The following RFPL3 variants were observed in gnomAD, a reference collection of about 807,000 sequenced individuals.
RFPL3 encodes ret finger protein like 3.
In RFPL3, 8 loss-of-function variants were observed where a neutral mutation model predicts 8.7. The ratio of observed to expected loss-of-function variants is 0.92; its 90% CI spans 0.54 to 1.66. RFPL3 has a LOEUF of 1.66. Among genes scored for constraint, RFPL3 ranks in the 40% most tolerant of loss-of-function variants. The probability of loss-of-function intolerance (pLI) is 0.00; values close to 1 mark genes in which losing one functional copy is unlikely to be tolerated. For missense variants in RFPL3, 341 were observed against 395.0 expected (o/e 0.86, Z 1.16); for synonymous variants, 145 against 150.5 (o/e 0.96, Z 0.27).
intron 1 of RFPL3, among the ~76,000 whole-genome samples, chr22:32,359,380 A>G (rs1269569571): frequency 6.6e-6 from 1 of 152,108 alleles, no homozygotes; most frequent in Non-Finnish European, 1.5e-5. Context: ...ATTAGTGATC[A>G]TATCAGTTTT....
upstream of RFPL3, chr22:32,357,765 C>A (rs1042737019): frequency 8.5e-6 from 8 of 937,882 alleles, no homozygotes; most frequent in African/African-American, 1.2e-4. Flanking sequence ...TCGTGCCCAG[C>A]CTCTCAGCTC....
intron 1 of RFPL3, 126 bp downstream of exon 1, chr22:32,358,570 A>C: frequency 7.3e-7 from 1 of 1,363,386 alleles, no homozygotes; most frequent in Non-Finnish European, 1.0e-6. Context: ...ATGCTTCATC[A>C]TCACATTCTC....
chr22:32,355,293 A>G (rs755527729), upstream of RFPL3, among the ~76,000 whole-genome samples: 2 of 152,160 alleles, frequency 1.3e-5, no homozygotes, highest in Non-Finnish European at 2.9e-5. Flanking sequence ...CAGAATATGT[A>G]GTCCAAGAAC....
At chr22:32,357,391 A>C (rs2145867807), upstream of RFPL3, among the ~76,000 whole-genome samples, 1 of 151,894 alleles carries the variant, frequency 6.6e-6, no homozygotes, top group East Asian at 1.9e-4. Context: ...ACTCGTCTCA[A>C]ATTCCTGGGC....
At position 32,360,856 on chromosome 22, in the gene RFPL3, G is replaced by C. The variant is rs765851908; in HGVS notation, c.*24G>C. On this transcript the variant is annotated 3_prime_UTR_variant, in exon 2 of 2. Transcript: ENST00000249007. ...AAGCCGCCACTGCAAAAAAAAACAG[G>C]GTCAGAAAATTACTTGGGTGGGTAG... is the stretch of plus-strand genomic sequence containing the variant. The C allele has an allele frequency of 1.1e-5, 16 of 1,501,804 alleles. No individual in the cohort carries two copies. The African/African-American group carries it at 2.2e-4, about 21-fold the overall frequency. The allele number at this position is 1,501,804 out of a possible 1,614,324, so 93.0% of individuals were successfully genotyped here.
chr22:32,355,359 T>C (rs955863733), upstream of RFPL3, among the ~76,000 whole-genome samples: 1 of 152,294 alleles, frequency 6.6e-6, no homozygotes, highest in Admixed American at 6.5e-5. Flanking sequence ...TTCTAGGCTA[T>C]GTTCTCTGTC....
chr22:32,360,369 A>G lies in RFPL3; in HGVS notation c.491A>G (p.Asp164Gly), dbSNP rs1415663734. The change falls in exon 2 of 2, where the codon GAC (aspartate) becomes GGC (glycine). Residue 164 changes from aspartate to glycine, a missense_variant. Physicochemically the swap from Asp to Gly is moderately conservative, Grantham distance 94. Transcript: ENST00000249007. ...QNRQDLAERF[D>G]VSVCILGSPR... ...CGGCAAGACCTTGCCGAGAGATTTGACGTGTCCGTTTGCATCCTGGGCTCC... is the reference window on the plus strand; with the variant it reads ...CGGCAAGACCTTGCCGAGAGATTTGGCGTGTCCGTTTGCATCCTGGGCTCC... 1 of 1,613,776 alleles carries G rather than the reference A, an allele frequency of 6.2e-7. No individual in the cohort carries two copies. Among genetic ancestry groups the G allele is most frequent in the Non-Finnish European group, 8.5e-7 (1 of 1,179,878 alleles).
upstream of RFPL3, chr22:32,357,819 T>C: frequency 7.3e-7 from 1 of 1,360,544 alleles, no homozygotes; most frequent in Non-Finnish European, 9.5e-7. Context: ...GGGGTTCCCC[T>C]AGGAGGTGGT....
chr22:32,356,475 A>G (rs556585055), upstream of RFPL3, among the ~76,000 whole-genome samples: 17 of 152,280 alleles, frequency 1.1e-4, no homozygotes, highest in South Asian at 2.1e-3. Flanking sequence ...TACACACACT[A>G]AGAACCCAGG....
At chr22:32,359,127 G>C (rs1183809931) in intron 1 of RFPL3, among the ~76,000 whole-genome samples, 1 of 152,142 alleles carries the variant, frequency 6.6e-6, no homozygotes, top group Non-Finnish European at 1.5e-5. Flanking sequence ...ATGGTGGTGG[G>C]CCCCTATAAT....
At chr22:32,358,499 C>A (rs996159118) in intron 1 of RFPL3, 55 bp downstream of exon 1, 142 of 1,559,704 alleles carry the variant, frequency 9.1e-5, no homozygotes, top group Non-Finnish European at 1.2e-4. Context: ...GAAAAATCAT[C>A]TGTGCAGTTG....
chr22:32,357,597 T>C (rs1436583848), upstream of RFPL3, among the ~76,000 whole-genome samples: 3 of 152,042 alleles, frequency 2.0e-5, no homozygotes, highest in African/African-American at 7.2e-5. Flanking sequence ...CTCCCAAGTA[T>C]CTGGGATTAC....
chr22:32,358,170 C>G lies in RFPL3; in HGVS notation c.99C>G (p.Leu33=), dbSNP rs1338408533. ...TFPLAVDMAA[L]FQEASSCPVC... is the part of the protein sequence containing the mutation. ...CCCTGGCAGTGGACATGGCTGCACT[C>G]TTCCAAGAAGCAAGCAGCTGTCCCG... The change falls in exon 1 of 2, where the codon CTC becomes CTG. Residue 33 remains leucine, a synonymous_variant. Transcript: ENST00000249007. 6.2e-6 allele frequency: 10 copies of G among 1,613,974 alleles called. No individual in the cohort carries two copies. The highest frequency in any genetic ancestry group is 6.8e-6 in the Non-Finnish European group (8 of 1,179,870).
rs778012167 is a variant in RFPL3 at position 32,359,975 on chromosome 22, G to A, written c.374-277G>A. ...AAGGGGGGCATGGTGTCTGCCTTCA[G>A]AGACCCTCCACTCTAAATGAAGAAA... On this transcript the variant is annotated intron_variant, in intron 1 of 1. Coordinates refer to ENST00000249007, the MANE Select transcript of RFPL3 (RefSeq NM_001098535.1). 2.5e-4 allele frequency: 119 copies of A among 469,130 alleles called. 1 individual carries two copies. The highest frequency in any genetic ancestry group is 4.0e-4 in the Non-Finnish European group (108 of 267,452). The allele number at this position is 469,130 out of a possible 1,614,324, so 29.1% of individuals were successfully genotyped here. A position where few individuals can be genotyped will look rare whatever the true frequency, so the allele number is the denominator to read the frequency against.
At chr22:32,355,086 A>C (rs10427814), upstream of RFPL3, among the ~76,000 whole-genome samples, 1 of 142,182 alleles carries the variant, frequency 7.0e-6, no homozygotes, top group African/African-American at 2.5e-5. Context: ...ACTTGGCATC[A>C]TTTATATATG....
chr22:32,355,781 C>CA (rs5844988), upstream of RFPL3, among the ~76,000 whole-genome samples: 16,032 of 99,672 alleles, frequency 0.16, 1,270 homozygotes, highest in Admixed American at 0.22. Context: ...GACTTTGTCT[C>CA]AAAAAAAAAA....
upstream of RFPL3, among the ~76,000 whole-genome samples, chr22:32,355,856 C>CAAAT (rs2145866512): frequency 6.6e-6 from 1 of 151,762 alleles, no homozygotes; most frequent in East Asian, 1.9e-4. Context: ...TCTCCTTGAG[C>CAAAT]AAATGCTTTG....
intron 1 of RFPL3, chr22:32,359,979 C>A: frequency 2.1e-6 from 1 of 476,832 alleles, no homozygotes; most frequent in South Asian, 3.5e-5. Flanking sequence ...CCTTCAGAGA[C>A]CCTCCACTCT....
upstream of RFPL3, among the ~76,000 whole-genome samples, chr22:32,357,348 T>G (rs991461615): frequency 2.6e-5 from 4 of 152,162 alleles, no homozygotes; most frequent in Non-Finnish European, 4.4e-5. Flanking sequence ...TTTTGTATTG[T>G]TTGTAGAGAT....
Sources: allele counts gnomAD v4.1 joint callset (sites outside exome capture counted in the v4.1 genomes callset), GRCh38; gene constraint gnomAD v4.1.1; transcripts MANE v1.5; gene names NCBI Gene and HGNC (gene_info 2026-07-23, HGNC 2026-07-21).